GAB2: variants seen among roughly 807,000 people sequenced by gnomAD.
GAB2 encodes GRB2-associated-binding protein 2.
In GAB2, 26 loss-of-function variants were observed where a neutral mutation model predicts 65.5. That is an observed-to-expected ratio of 0.40 (90% CI 0.29 to 0.55). GAB2 has a LOEUF of 0.55. Ranked by LOEUF, GAB2 falls within the 20% of genes least tolerant of loss-of-function variation. GAB2 has a pLI of 0.53. For missense variants in GAB2, 884 were observed against 875.8 expected (o/e 1.01, Z -0.12); for synonymous variants, 321 against 329.6 (o/e 0.97, Z 0.28).
chr11:78,375,429 T>G (rs1004686947), intron 1 of GAB2, among the ~76,000 whole-genome samples: 4 of 152,224 alleles, frequency 2.6e-5, no homozygotes, highest in Non-Finnish European at 5.9e-5. Flanking sequence ...AAATGTCTTT[T>G]CAGTGGCAAA....
chr11:78,303,741 T>C (rs554410134), intron 1 of GAB2, among the ~76,000 whole-genome samples: 34 of 152,312 alleles, frequency 2.2e-4, no homozygotes, highest in Admixed American at 3.9e-4. Flanking sequence ...ACTGAATCTA[T>C]TGATCAATTT....
rs549513111 is a variant in GAB2 at position 78,331,543 on chromosome 11, C to T, written c.76-50642G>A. On this transcript the variant is annotated intron_variant, in intron 1 of 9. Transcript: ENST00000361507. Reference sequence around the variant, plus strand: ...TACAGGCGTGAGCCACTGCGCCCAGCCCCGAATCCTCCATTCTTAAGGGAT... The same window carrying T: ...TACAGGCGTGAGCCACTGCGCCCAGTCCCGAATCCTCCATTCTTAAGGGAT... Among the ~76,000 whole-genome samples the T allele has an allele frequency of 2.6e-5, 4 of 152,256 alleles. No individual in the cohort carries two copies. The South Asian group carries it at 8.3e-4, about 32-fold the overall frequency.
At chr11:78,291,640 T>C (rs1324681535) in intron 1 of GAB2, among the ~76,000 whole-genome samples, 1 of 125,942 alleles carries the variant, frequency 7.9e-6, no homozygotes, top group Non-Finnish European at 1.6e-5. Context: ...GGCGCAAACA[T>C]GGCTCACTGT....
chr11:78,249,068 C>G (rs1001871703), intron 3 of GAB2, among the ~76,000 whole-genome samples: 2 of 152,192 alleles, frequency 1.3e-5, no homozygotes, highest in Non-Finnish European at 2.9e-5. Context: ...GGAGCCTCTT[C>G]TGTGTGACAG....
intron 2 of GAB2, among the ~76,000 whole-genome samples, chr11:78,273,606 G>A (rs1023724447): frequency 1.1e-4 from 17 of 152,346 alleles, no homozygotes; most frequent in Non-Finnish European, 2.1e-4. Context: ...CCTTGCCTTG[G>A]ATGAGACTTT....
At chr11:78,351,808 A>C (rs1270771337) in intron 1 of GAB2, among the ~76,000 whole-genome samples, 1 of 152,086 alleles carries the variant, frequency 6.6e-6, no homozygotes, top group Non-Finnish European at 1.5e-5. Flanking sequence ...TTCCAAGGAG[A>C]CTGGTGAGAG....
chr11:78,297,051 GTTTTGGAGGGACACA>G (rs1866850519), intron 1 of GAB2, among the ~76,000 whole-genome samples: 6 of 152,124 alleles, frequency 3.9e-5, no homozygotes, highest in East Asian at 1.9e-4. Context: ...CAACATACAC[GTTTTGGAGGGACACA>G]AACATTCAGT....
chr11:78,223,786 C>T, intron 5 of GAB2, 110 bp from the exon 6 acceptor site: 2 of 927,832 alleles, frequency 2.2e-6, no homozygotes, highest in Non-Finnish European at 3.2e-6. Context: ...GTTAGCTATA[C>T]TTTGAAGCTG....
At chr11:78,330,224 A>G (rs1165821200) in intron 1 of GAB2, among the ~76,000 whole-genome samples, 1 of 152,190 alleles carries the variant, frequency 6.6e-6, no homozygotes, top group African/African-American at 2.4e-5. Flanking sequence ...ATGCAGCTCT[A>G]GTTCTTCCTA....
intron 1 of GAB2, among the ~76,000 whole-genome samples, chr11:78,283,442 A>G (rs1220827581): frequency 1.3e-5 from 2 of 152,222 alleles, no homozygotes; most frequent in East Asian, 1.9e-4. Context: ...AGAAAAAATT[A>G]AAAGTTTGAC....
At chr11:78,296,646 A>G (rs1216381823) in intron 1 of GAB2, among the ~76,000 whole-genome samples, 3 of 151,864 alleles carry the variant, frequency 2.0e-5, no homozygotes, top group Admixed American at 6.6e-5. Context: ...TAAGTACACA[A>G]AACACTGCCT....
chr11:78,260,508 G>C (rs541618488), intron 2 of GAB2, among the ~76,000 whole-genome samples: 133 of 143,868 alleles, frequency 9.2e-4, no homozygotes, highest in African/African-American at 2.9e-3. Flanking sequence ...TCTTGCTCTT[G>C]TCTCCCAGGC....
intron 3 of GAB2, among the ~76,000 whole-genome samples, chr11:78,244,833 G>T (rs1371764070): frequency 2.6e-5 from 4 of 152,114 alleles, no homozygotes; most frequent in Non-Finnish European, 4.4e-5. Context: ...ACACACTGTT[G>T]GTGGGAATGT....
At chr11:78,222,249 T>C in intron 6 of GAB2, 54 bp from the exon 7 acceptor site, 2 of 1,089,658 alleles carry the variant, frequency 1.8e-6, no homozygotes, top group Non-Finnish European at 2.8e-6. Flanking sequence ...ATGCTACACA[T>C]ACACACCTTA....
intron 1 of GAB2, among the ~76,000 whole-genome samples, chr11:78,390,565 T>G (rs73502941): frequency 0.028 from 4,188 of 152,148 alleles, 163 homozygotes; most frequent in African/African-American, 0.089. Flanking sequence ...CTCCAGCATA[T>G]ATAGATATAT....
Position 78,226,519 on chromosome 11 carries a change from T to C in GAB2, c.1153A>G (p.Thr385Ala). 1 of 1,596,740 alleles carries C rather than the reference T, an allele frequency of 6.3e-7. No individual in the cohort carries two copies. Among genetic ancestry groups the C allele is most frequent in the South Asian group, 1.1e-5 (1 of 90,628 alleles). Reference sequence around the variant, plus strand: ...GGGAGGGTGTTGCGTCTGGGGATGGTGGCAGCGACAGATCTGCTATTTTCA... The same window carrying C: ...GGGAGGGTGTTGCGTCTGGGGATGGCGGCAGCGACAGATCTGCTATTTTCA... ...ISENSRSVAA[T>A]IPRRNTLPAM... Residue 385 changes from threonine to alanine, a missense_variant, in exon 4 of 10, where the codon ACC becomes GCC. Transcript: ENST00000361507.
rs371157284 is a variant in GAB2 at position 78,226,867 on chromosome 11, G to A, written c.805C>T (p.Pro269Ser). 1.9e-6 allele frequency: 3 copies of A among 1,614,150 alleles called. No individual in the cohort carries two copies. Among genetic ancestry groups the A allele is most frequent in the South Asian group, 1.1e-5 (1 of 91,082 alleles). ...TGGCCATGGGAGGCCAGGCTGCGGG[G>A]GAGGTCGTAGGTACTGTCTCTGAAT... ...TEFRDSTYDL[P>S]RSLASHGHTK... The change falls in exon 4 of 10, where the codon CCC becomes TCC. Residue 269 changes from proline to serine, a missense_variant. Pro to Ser is a moderately conservative substitution (Grantham distance 74, BLOSUM62 -1). Coordinates refer to ENST00000361507, the MANE Select transcript of GAB2 (RefSeq NM_080491.3).
At chr11:78,397,982 T>G (rs1856922651) in intron 1 of GAB2, among the ~76,000 whole-genome samples, 1 of 148,406 alleles carries the variant, frequency 6.7e-6, no homozygotes, top group African/African-American at 2.6e-5. Flanking sequence ...GCTCAGGAGT[T>G]TGAGGCTGTA....
chr11:78,391,309 A>C (rs1856831235), intron 1 of GAB2, among the ~76,000 whole-genome samples: 1 of 152,118 alleles, frequency 6.6e-6, no homozygotes, highest in Non-Finnish European at 1.5e-5. Context: ...AAAATAAATA[A>C]ATAAAATAAA....
Sources: allele counts gnomAD v4.1 joint callset (sites outside exome capture counted in the v4.1 genomes callset), GRCh38; gene constraint gnomAD v4.1.1; transcripts MANE v1.5; gene names NCBI Gene and HGNC (gene_info 2026-07-23, HGNC 2026-07-21).